The following TMEM200A variants were observed in gnomAD, a reference collection of about 807,000 sequenced individuals.
TMEM200A encodes the protein two transmembrane C.
Under a neutral mutation model 24.3 loss-of-function variants are expected in TMEM200A, and 12 were observed. The ratio of observed to expected loss-of-function variants is 0.49; its 90% CI spans 0.32 to 0.80. The LOEUF (loss-of-function observed/expected upper bound fraction) is 0.80. Ranked by LOEUF, TMEM200A falls within the 30% of genes least tolerant of loss-of-function variation. The pLI, the probability that TMEM200A is intolerant of heterozygous loss-of-function variation, is 0.04. For synonymous variants in TMEM200A, 224 were observed against 224.4 expected (o/e 1.00, Z 0.02); for missense variants, 545 against 614.4 (o/e 0.89, Z 1.19).
At chr6:130,367,295 A>G (rs1778202023) in intron 1 of TMEM200A, among the ~76,000 whole-genome samples, 2 of 152,334 alleles carry the variant, frequency 1.3e-5, no homozygotes, top group South Asian at 2.1e-4. Flanking sequence ...AATATGTTGG[A>G]CTAAAGTGTC....
chr6:130,392,796 C>T (rs181469658), intron 2 of TMEM200A, among the ~76,000 whole-genome samples: 93 of 152,310 alleles, frequency 6.1e-4, no homozygotes, highest in South Asian at 4.1e-4. Flanking sequence ...GTCTTCTTAC[C>T]ACAATAGCAC....
chr6:130,424,814 A>C (rs907010247), intron 2 of TMEM200A, among the ~76,000 whole-genome samples: 2 of 152,122 alleles, frequency 1.3e-5, no homozygotes, highest in African/African-American at 4.8e-5. Flanking sequence ...TGCTGATAGA[A>C]GGTTATGCTT....
intron 2 of TMEM200A, among the ~76,000 whole-genome samples, chr6:130,434,624 A>G (rs748914819): frequency 7.9e-5 from 12 of 152,188 alleles, no homozygotes; most frequent in Non-Finnish European, 1.8e-4. Context: ...AAGGACAGCA[A>G]TAAGGCTTTT....
chr6:130,376,374 G>A (rs1052990940), intron 1 of TMEM200A, among the ~76,000 whole-genome samples: 6 of 152,108 alleles, frequency 3.9e-5, no homozygotes, highest in African/African-American at 7.2e-5. Flanking sequence ...GGGTTCAAGC[G>A]ATTCTTATGC....
chr6:130,418,095 C>CA (rs1235995183), intron 2 of TMEM200A, among the ~76,000 whole-genome samples: 1 of 152,124 alleles, frequency 6.6e-6, no homozygotes, highest in Non-Finnish European at 1.5e-5. Flanking sequence ...TAACCACATT[C>CA]ACCTCTTGGC....
intron 2 of TMEM200A, among the ~76,000 whole-genome samples, chr6:130,427,480 C>T (rs1217674895): frequency 1.3e-5 from 2 of 152,112 alleles, no homozygotes; most frequent in Admixed American, 1.3e-4. Context: ...CCATTACTAT[C>T]GTGCTGCAGT....
chr6:130,397,901 A>T (rs1272633379), intron 2 of TMEM200A, among the ~76,000 whole-genome samples: 2 of 151,496 alleles, frequency 1.3e-5, no homozygotes, highest in Non-Finnish European at 2.9e-5. Context: ...AAATATAGTA[A>T]TATTTTTATT....
chr6:130,436,645 T>C (rs1267513522), intron 2 of TMEM200A, among the ~76,000 whole-genome samples: 1 of 113,126 alleles, frequency 8.8e-6, no homozygotes, highest in African/African-American at 4.1e-5. Flanking sequence ...TTTTTTTTTT[T>C]TTTTTTTTTT....
chr6:130,419,581 C>T (rs778588914), intron 2 of TMEM200A, among the ~76,000 whole-genome samples: 1 of 152,086 alleles, frequency 6.6e-6, no homozygotes, highest in Non-Finnish European at 1.5e-5. Context: ...CTCCAGCATT[C>T]ATTATTTTTT....
At chr6:130,375,552 A>G (rs1778434684) in intron 1 of TMEM200A, among the ~76,000 whole-genome samples, 1 of 152,218 alleles carries the variant, frequency 6.6e-6, no homozygotes, top group African/African-American at 2.4e-5. Flanking sequence ...TCAGGCATTC[A>G]AAAAGTGCTG....
chr6:130,429,791 A>AAGAT (rs1319182133), intron 2 of TMEM200A, among the ~76,000 whole-genome samples: 1 of 152,222 alleles, frequency 6.6e-6, no homozygotes, highest in African/African-American at 2.4e-5. Context: ...TGTATGCTAA[A>AAGAT]AGATACAATC....
chr6:130,380,683 GA>G (rs1778575535), intron 1 of TMEM200A, among the ~76,000 whole-genome samples: 1 of 152,168 alleles, frequency 6.6e-6, no homozygotes, highest in Non-Finnish European at 1.5e-5. Flanking sequence ...ACATAGCAGA[GA>G]GTCACTGGTA....
chr6:130,399,721 G>A (rs1025419797), intron 2 of TMEM200A, among the ~76,000 whole-genome samples: 1 of 150,990 alleles, frequency 6.6e-6, no homozygotes, highest in Non-Finnish European at 1.5e-5. Context: ...GTGTACAGGT[G>A]GTATTTGATT....
At chr6:130,401,835 T>G (rs1181529493) in intron 2 of TMEM200A, among the ~76,000 whole-genome samples, 1 of 151,706 alleles carries the variant, frequency 6.6e-6, no homozygotes, top group Non-Finnish European at 1.5e-5. Flanking sequence ...TCTTTAATGT[T>G]TGTGTGTGTG....
rs77819101 is a variant in TMEM200A at position 130,383,594 on chromosome 6, G to A, written c.-80-1579G>A. 7.3e-3 allele frequency among the ~76,000 whole-genome samples: 1,110 copies of A among 152,222 alleles called. 17 individuals are homozygous for A. Among genetic ancestry groups the A allele is most frequent in the African/African-American group, 0.024 (1,011 of 41,526 alleles). Reference sequence around the variant, plus strand: ...ATTATGAGCTGTTGTGATTTAAAACGCTAGTAAGTATTTTTAGTTTCCTTT... The same window carrying A: ...ATTATGAGCTGTTGTGATTTAAAACACTAGTAAGTATTTTTAGTTTCCTTT... On this transcript the variant is annotated intron_variant, in intron 1 of 2. Transcript: ENST00000296978.
chr6:130,368,935 A>C (rs1005209983), intron 1 of TMEM200A, among the ~76,000 whole-genome samples: 4 of 152,198 alleles, frequency 2.6e-5, no homozygotes, highest in African/African-American at 9.7e-5. Context: ...GACGATCTTT[A>C]TGGTCTCTCT....
rs1263556994 is a variant in TMEM200A at position 130,366,286 on chromosome 6, AC to A, written c.-315del. On this transcript the variant is annotated 5_prime_UTR_variant, in exon 1 of 3. Coordinates refer to ENST00000296978, the MANE Select transcript of TMEM200A (RefSeq NM_001258277.2). The surrounding 1 kb of genome is among the most constrained non-coding windows in gnomAD (Gnocchi z 4.4). ...GCGCCCCCACCCTCCGTCCGCTTGC[AC>A]CCCTTGCCACCCGCCCCCTCGCCTG... 7 of 965,844 alleles carry A rather than the reference AC, an allele frequency of 7.2e-6. No individual in the cohort carries two copies. Among genetic ancestry groups the A allele is most frequent in the African/African-American group, 1.9e-5 (1 of 51,452 alleles). The allele number at this position is 965,844 out of a possible 1,614,324, so 59.8% of individuals were successfully genotyped here. A position where few individuals can be genotyped will look rare whatever the true frequency, so the allele number is the denominator to read the frequency against.
intron 2 of TMEM200A, among the ~76,000 whole-genome samples, chr6:130,406,105 T>G (rs1274000169): frequency 6.6e-6 from 1 of 152,202 alleles, no homozygotes; most frequent in East Asian, 1.9e-4. Flanking sequence ...CATCAGATCC[T>G]TGTCTTTTCA....
intron 1 of TMEM200A, among the ~76,000 whole-genome samples, chr6:130,374,125 A>G (rs1778384969): frequency 6.6e-6 from 1 of 152,004 alleles, no homozygotes; most frequent in Non-Finnish European, 1.5e-5. Context: ...CTGTTTGGGG[A>G]CTCTTCAGAC....
Sources: gnomAD v4.1 joint callset for allele counts (sites outside exome capture counted in the v4.1 genomes callset) on GRCh38, gnomAD v4.1.1 for gene constraint, Gnocchi (gnomAD v3.1) non-coding constraint, MANE v1.5 for transcripts, NCBI Gene and HGNC (gene_info 2026-07-23, HGNC 2026-07-21) for gene names.